Variants in EIF3H observed in about 807,000 individuals in gnomAD.
The protein encoded by EIF3H is eIF-3-gamma.
Under a neutral mutation model 44.2 loss-of-function variants are expected in EIF3H, and 26 were observed. The ratio of observed to expected loss-of-function variants is 0.59; its 90% CI spans 0.43 to 0.82. EIF3H has a LOEUF of 0.82. Among genes scored for constraint, EIF3H ranks in the 40% least tolerant of loss-of-function variants. The pLI is 0.00. For missense variants in EIF3H, 359 were observed against 432.8 expected (o/e 0.83, Z 1.51); for synonymous variants, 166 against 151.9 (o/e 1.09, Z -0.68).
rs151204046 is a variant in EIF3H, at chr8:116,737,129, C to T, written c.133-10957G>A. On this transcript the variant is annotated intron_variant, in intron 1 of 7. Coordinates refer to ENST00000521861, the MANE Select transcript of EIF3H (RefSeq NM_003756.3). ...AAGACATGATTTTTTTAAAAATTCACACTACCCAATATTCTATATCAAAAA... is the reference window on the plus strand; with the variant it reads ...AAGACATGATTTTTTTAAAAATTCATACTACCCAATATTCTATATCAAAAA... 936 of 210,710 alleles carry T rather than the reference C, an allele frequency of 4.4e-3. 6 individuals carry two copies. The highest frequency in any genetic ancestry group is 0.02 in the African/African-American group (840 of 42,432). The allele number at this position is 210,710 out of a possible 1,614,324, so 13.1% of individuals were successfully genotyped here. A position where few individuals can be genotyped will look rare whatever the true frequency, so the allele number is the denominator to read the frequency against.
intron 1 of EIF3H, among the ~76,000 whole-genome samples, chr8:116,740,729 T>C (rs1815115436): frequency 1.3e-5 from 2 of 152,146 alleles, no homozygotes; most frequent in Non-Finnish European, 2.9e-5. Flanking sequence ...TGAATTCTTA[T>C]GAATGTACAC....
intron 2 of EIF3H, among the ~76,000 whole-genome samples, chr8:116,685,406 G>A (rs1814059694): frequency 6.6e-6 from 1 of 152,160 alleles, no homozygotes; most frequent in Non-Finnish European, 1.5e-5. Context: ...TGTTAACACT[G>A]AGCCTCACAC....
At chr8:116,749,412 G>T (rs941210527) in intron 1 of EIF3H, among the ~76,000 whole-genome samples, 2 of 152,170 alleles carry the variant, frequency 1.3e-5, no homozygotes, top group African/African-American at 4.8e-5. Flanking sequence ...TGATACGTAT[G>T]TCTGCATTTC....
intron 5 of EIF3H, among the ~76,000 whole-genome samples, chr8:116,654,563 G>A (rs1319483322): frequency 2.0e-5 from 3 of 152,164 alleles, no homozygotes; most frequent in African/African-American, 4.8e-5. Flanking sequence ...AAATACAGGT[G>A]TGCCCAATGT....
chr8:116,648,168 G>A (rs111332189), intron 6 of EIF3H, among the ~76,000 whole-genome samples: 133 of 152,218 alleles, frequency 8.7e-4, no homozygotes, highest in African/African-American at 2.9e-3. Flanking sequence ...AAACATTCTG[G>A]AATCAACTAA....
At chr8:116,727,393 T>C (rs1814863169) in intron 1 of EIF3H, among the ~76,000 whole-genome samples, 1 of 152,202 alleles carries the variant, frequency 6.6e-6, no homozygotes, top group South Asian at 2.1e-4. Context: ...TAAAGAAATT[T>C]ACCTGCACAA....
rs1563659859 is a variant in EIF3H at position 116,743,792 on chromosome 8, ATATATAAACACACAC to A, written c.132+11859_132+11873del. ...TACATATATATATATATATATATAT[ATATATAAACACACAC>A]ACACACACACACACACACACACACA... On this transcript the variant is annotated intron_variant, in intron 1 of 7. Transcript: ENST00000521861. Among the ~76,000 whole-genome samples the A allele has an allele frequency of 2.0e-3, 178 of 89,460 alleles. 2 individuals are homozygous for A. Among genetic ancestry groups the A allele is most frequent in the African/African-American group, 7.5e-3 (172 of 22,804 alleles). 58.7% of individuals were successfully genotyped at this position (89,460 alleles called of 152,430 possible).
intron 5 of EIF3H, among the ~76,000 whole-genome samples, chr8:116,653,301 A>C (rs757726025): frequency 1.2e-4 from 18 of 150,374 alleles, no homozygotes; most frequent in Non-Finnish European, 2.4e-4. Flanking sequence ...TAAGCATTTC[A>C]TAACTTTTAT....
In EIF3H at chr8:116,646,618, G is replaced by A. The variant is rs751238718; in HGVS notation, c.829-15C>T. 15 of 1,612,948 alleles carry A rather than the reference G, an allele frequency of 9.3e-6. No individual in the cohort carries two copies. Among genetic ancestry groups the A allele is most frequent in the Admixed American group, 6.7e-5 (4 of 59,942 alleles). ...CGCTGCTGATACTAAAATTCAAAGG[G>A]AAAATGGTTTGGTTATTTTTCTCCA... On this transcript the variant is annotated splice_polypyrimidine_tract_variant and intron_variant, in intron 6 of 7. Transcript: ENST00000521861.
At chr8:116,714,538 AT>A (rs766309712) in intron 2 of EIF3H, among the ~76,000 whole-genome samples, 23 of 151,340 alleles carry the variant, frequency 1.5e-4, no homozygotes, top group African/African-American at 5.3e-4. Flanking sequence ...CAGTGGACTA[AT>A]TTTTTTTTCT....
In EIF3H at chr8:116,736,523, G is replaced by A. The variant is rs544939642; in HGVS notation, c.133-10351C>T. On this transcript the variant is annotated intron_variant, in intron 1 of 7. Coordinates refer to ENST00000521861, the MANE Select transcript of EIF3H (RefSeq NM_003756.3). Reference sequence around the variant, plus strand: ...AAAAATACAAAAAAATTAGCTGGGCGTGGTGGCACGCGCCTATAGTTCCAG... The same window carrying A: ...AAAAATACAAAAAAATTAGCTGGGCATGGTGGCACGCGCCTATAGTTCCAG... Among the ~76,000 whole-genome samples the A allele has an allele frequency of 2.6e-4, 40 of 152,270 alleles. 1 individual carries two copies. In the South Asian group the frequency reaches 4.1e-3, roughly 16 times the overall value.
Position 116,666,753 on chromosome 8 carries a change from C to CAAAAAAAAAAAAA in EIF3H, c.290-7786_290-7774dup, listed in dbSNP as rs56700266. 1.1e-3 allele frequency among the ~76,000 whole-genome samples: 77 copies of CAAAAAAAAAAAAA among 71,440 alleles called. 12 individuals carry two copies. The highest frequency in any genetic ancestry group is 5.0e-3 in the African/African-American group (73 of 14,602). The allele number at this position is 71,440 out of a possible 152,430, so 46.9% of individuals were successfully genotyped here. On this transcript the variant is annotated intron_variant, in intron 2 of 7. Coordinates refer to ENST00000521861, the MANE Select transcript of EIF3H (RefSeq NM_003756.3). ...CCAAATGAGAATCTTTAGTGTTAGG[C>CAAAAAAAAAAAAA]AAAAAAAAAAAAAAAAAAAAAAATT...
intron 1 of EIF3H, among the ~76,000 whole-genome samples, chr8:116,729,142 T>C (rs960073907): frequency 5.3e-5 from 8 of 152,100 alleles, no homozygotes; most frequent in Non-Finnish European, 8.8e-5. Flanking sequence ...ACTAATGAGA[T>C]TGCTAAACCA....
intron 2 of EIF3H, among the ~76,000 whole-genome samples, chr8:116,720,963 C>G (rs970421546): frequency 6.6e-6 from 1 of 151,860 alleles, no homozygotes; most frequent in Non-Finnish European, 1.5e-5. Context: ...CCTAACAATG[C>G]GATAGAAAAG....
intron 1 of EIF3H, among the ~76,000 whole-genome samples, chr8:116,761,556 T>A (rs1815519381): frequency 1.3e-5 from 2 of 151,858 alleles, no homozygotes; most frequent in Admixed American, 6.6e-5. Context: ...GTTAGAGAAA[T>A]AATAAATTTC....
At chr8:116,717,601 T>TA (rs1279602198) in intron 2 of EIF3H, among the ~76,000 whole-genome samples, 1 of 152,006 alleles carries the variant, frequency 6.6e-6, no homozygotes, top group African/African-American at 2.4e-5. Flanking sequence ...GCCAAATACT[T>TA]AGAGTTAACT....
At position 116,643,244 on chromosome 8, in the gene EIF3H, A is replaced by C. The variant is rs1362328699; in HGVS notation, c.*1762T>G. ...CACACTCAAATTTGTGTTGACTCCAATTTAAGGTTATCACTATGGGTAGGA... is the reference window on the plus strand; with the variant it reads ...CACACTCAAATTTGTGTTGACTCCACTTTAAGGTTATCACTATGGGTAGGA... On this transcript the variant is annotated 3_prime_UTR_variant, in exon 8 of 8. Coordinates refer to ENST00000521861, the MANE Select transcript of EIF3H (RefSeq NM_003756.3). 1 of 151,354 alleles carries C rather than the reference A, an allele frequency of 6.6e-6. No individual in the cohort carries two copies. Among genetic ancestry groups the C allele is most frequent in the Non-Finnish European group, 1.5e-5 (1 of 68,040 alleles). 9.4% of individuals were successfully genotyped at this position (151,354 alleles called of 1,614,324 possible). A position where few individuals can be genotyped will look rare whatever the true frequency, so the allele number is the denominator to read the frequency against.
At chr8:116,757,752 C>T (rs1380754328), upstream of EIF3H, among the ~76,000 whole-genome samples, 2 of 149,298 alleles carry the variant, frequency 1.3e-5, no homozygotes, top group African/African-American at 4.9e-5. Flanking sequence ...GACAGAGTCT[C>T]CCTGTGTCAC....
At chr8:116,742,403 TGATAA>T (rs1303111958) in intron 1 of EIF3H, among the ~76,000 whole-genome samples, 1 of 152,220 alleles carries the variant, frequency 6.6e-6, no homozygotes. Context: ...AAGAATTAAC[TGATAA>T]GATGTTTAAT....
Sources: gnomAD v4.1 joint callset for allele counts (sites outside exome capture counted in the v4.1 genomes callset) on GRCh38, gnomAD v4.1.1 for gene constraint, MANE v1.5 for transcripts, NCBI Gene and HGNC (gene_info 2026-07-23, HGNC 2026-07-21) for gene names.